Variants in SSH2 observed in about 807,000 individuals in gnomAD.
SSH2 encodes protein phosphatase Slingshot homolog 2.
SSH2 carries 37 observed loss-of-function variants against 135.2 expected under a neutral mutation model. The observed-to-expected ratio is 0.27, with a 90% CI of 0.21 to 0.36. SSH2 has a LOEUF of 0.36. Among genes scored for constraint, SSH2 ranks in the 10% least tolerant of loss-of-function variants. The pLI is 1.00. For missense variants in SSH2, 1,408 were observed against 1,765.3 expected, an observed-to-expected ratio of 0.80 and a Z score of 3.63; for synonymous variants, 628 against 646.2, an observed-to-expected ratio of 0.97 and a Z score of 0.43.
chr17:29,669,945 G>A (rs1394918154), intron 9 of SSH2, among the ~76,000 whole-genome samples: 1 of 144,978 alleles, frequency 6.9e-6, no homozygotes, highest in Non-Finnish European at 1.5e-5. Flanking sequence ...GCAGTGGTGT[G>A]ATCTCGGCTC....
intron 1 of SSH2, among the ~76,000 whole-genome samples, chr17:29,882,104 C>T (rs1459251376): frequency 6.6e-6 from 1 of 152,182 alleles, no homozygotes; most frequent in East Asian, 1.9e-4. Flanking sequence ...TGCCAGTCTT[C>T]TAAAATGAGA....
chr17:29,751,022 T>C (rs1403464140), intron 3 of SSH2, among the ~76,000 whole-genome samples: 2 of 152,314 alleles, frequency 1.3e-5, no homozygotes, highest in South Asian at 2.1e-4. Context: ...ATAACATATA[T>C]GGAGCTGTCA....
chr17:29,756,822 T>C (rs2041145233), intron 3 of SSH2, among the ~76,000 whole-genome samples: 1 of 151,916 alleles, frequency 6.6e-6, no homozygotes, highest in Non-Finnish European at 1.5e-5. Context: ...GGCTGGCTAC[T>C]TTTTTTGTAT....
At chr17:29,645,069 A>G (rs1182756668) in intron 14 of SSH2, 1 of 152,284 alleles carries the variant, frequency 6.6e-6, no homozygotes, top group Non-Finnish European at 1.5e-5. Context: ...GAGGAAATAA[A>G]TGGCACATAC....
intron 2 of SSH2, among the ~76,000 whole-genome samples, chr17:29,848,096 T>A (rs1358307698): frequency 1.3e-5 from 2 of 152,202 alleles, no homozygotes; most frequent in Non-Finnish European, 2.9e-5. Context: ...AGAACCCTCC[T>A]GGGCTAAGCC....
At chr17:29,673,173 G>A (rs2037563108) in intron 8 of SSH2, among the ~76,000 whole-genome samples, 1 of 152,116 alleles carries the variant, frequency 6.6e-6, no homozygotes. Context: ...TCTACATTTT[G>A]TTTACCCAAG....
intron 1 of SSH2, among the ~76,000 whole-genome samples, chr17:29,886,423 C>A (rs980470625): frequency 1.4e-4 from 22 of 152,006 alleles, no homozygotes; most frequent in African/African-American, 5.3e-4. Flanking sequence ...TTCTAAGTGG[C>A]AAAGTGTTCA....
chr17:29,772,821 C>A (rs1181755937), intron 3 of SSH2, among the ~76,000 whole-genome samples: 1 of 152,074 alleles, frequency 6.6e-6, no homozygotes, highest in Admixed American at 6.6e-5. Flanking sequence ...CTTGGGACTC[C>A]AGGATTTACT....
intron 3 of SSH2, chr17:29,761,357 G>A: frequency 9.3e-7 from 1 of 1,070,994 alleles, no homozygotes; most frequent in Non-Finnish European, 1.1e-6. Context: ...GCGTGCACCC[G>A]GCGGCGGAGG....
intron 6 of SSH2, among the ~76,000 whole-genome samples, chr17:29,682,319 GA>G (rs1487109126): frequency 6.6e-6 from 1 of 152,134 alleles, no homozygotes; most frequent in African/African-American, 2.4e-5. Flanking sequence ...CTGAACAAAG[GA>G]AATATGAGCT....
chr17:29,860,127 C>T (rs1414586672), intron 1 of SSH2, among the ~76,000 whole-genome samples: 1 of 152,070 alleles, frequency 6.6e-6, no homozygotes, highest in African/African-American at 2.4e-5. Flanking sequence ...GGATTATAGG[C>T]GTGAGTCAGC....
chr17:29,670,752 C>T (rs565429810), intron 9 of SSH2, among the ~76,000 whole-genome samples: 4 of 151,948 alleles, frequency 2.6e-5, no homozygotes, highest in Non-Finnish European at 5.9e-5. Flanking sequence ...CCAGCCTGGG[C>T]GACAGAGTGA....
At chr17:29,660,945 C>A (rs2037005972) in intron 11 of SSH2, among the ~76,000 whole-genome samples, 1 of 150,914 alleles carries the variant, frequency 6.6e-6, no homozygotes, top group Non-Finnish European at 1.5e-5. Flanking sequence ...CCTGTAATCC[C>A]AGCTACTTGG....
intron 2 of SSH2, among the ~76,000 whole-genome samples, chr17:29,803,641 G>A (rs902800371): frequency 6.6e-6 from 1 of 152,190 alleles, no homozygotes; most frequent in Non-Finnish European, 1.5e-5. Flanking sequence ...AATAGCAGAA[G>A]TAACAAGAAT....
intron 1 of SSH2, among the ~76,000 whole-genome samples, chr17:29,853,179 C>A (rs559299506): frequency 1.3e-5 from 2 of 149,594 alleles, no homozygotes; most frequent in African/African-American, 5.0e-5. Context: ...CTATGCCTCC[C>A]GGGTTCAAGT....
At chr17:29,667,244 A>T in intron 9 of SSH2, 21 bp from the exon 10 acceptor site, 1 of 1,410,106 alleles carries the variant, frequency 7.1e-7, no homozygotes, top group Non-Finnish European at 9.9e-7. Flanking sequence ...AGAAATAACG[A>T]TTATTCTTAA....
chr17:29,871,890 C>T (rs1013815444), intron 1 of SSH2, among the ~76,000 whole-genome samples: 1 of 152,060 alleles, frequency 6.6e-6, no homozygotes, highest in African/African-American at 2.4e-5. Flanking sequence ...AATATTTATA[C>T]AAAAATATTC....
chr17:29,652,908 G>A (rs753117533), intron 12 of SSH2, among the ~76,000 whole-genome samples: 4 of 151,946 alleles, frequency 2.6e-5, no homozygotes, highest in African/African-American at 4.8e-5. Flanking sequence ...TGCCTGCTTC[G>A]GCCTCCCAAA....
chr17:29,711,238 GCTAT>G (rs902953835), intron 3 of SSH2, among the ~76,000 whole-genome samples: 1 of 152,168 alleles, frequency 6.6e-6, no homozygotes, highest in Non-Finnish European at 1.5e-5. Flanking sequence ...CTAGGATGCA[GCTAT>G]CTGTTTTTCC....
Sources: gnomAD v4.1 joint callset for allele counts (sites outside exome capture counted in the v4.1 genomes callset) on GRCh38, gnomAD v4.1.1 for gene constraint, MANE v1.5 for transcripts, NCBI Gene and HGNC (gene_info 2026-07-23, HGNC 2026-07-21) for gene names.